Variants in RUNX1 observed in about 807,000 individuals in gnomAD.
RUNX1 encodes the protein RUNX family transcription factor 1, also known as runt-related transcription factor 1.
A neutral mutation model predicts 42.8 loss-of-function variants in RUNX1; 19 were observed. That is an observed-to-expected ratio of 0.44 (90% CI 0.31 to 0.65). RUNX1 has a LOEUF of 0.65. Ranked by LOEUF, RUNX1 falls within the 30% of genes least tolerant of loss-of-function variation. The pLI, the probability that RUNX1 is intolerant of heterozygous loss-of-function variation, is 0.07. For synonymous variants in RUNX1, 271 were observed against 289.4 expected, an observed-to-expected ratio of 0.94 and a Z score of 0.64; for missense variants, 528 against 672.0, an observed-to-expected ratio of 0.79 and a Z score of 2.37.
chr21:34,993,855 G>T (rs115364920), intron 2 of RUNX1, among the ~76,000 whole-genome samples: 120 of 151,712 alleles, frequency 7.9e-4, no homozygotes, highest in African/African-American at 2.7e-3. Context: ...ACACACACGG[G>T]TATGTGACTG....
At chr21:34,890,197 T>C (rs996743878) in intron 3 of RUNX1, among the ~76,000 whole-genome samples, 4 of 151,712 alleles carry the variant, frequency 2.6e-5, no homozygotes, top group Non-Finnish European at 5.9e-5. Context: ...CCGCGGGCTC[T>C]GGCGGACGCC....
chr21:35,013,510 A>G (rs2059139853), intron 2 of RUNX1, among the ~76,000 whole-genome samples: 1 of 152,240 alleles, frequency 6.6e-6, no homozygotes, highest in African/African-American at 2.4e-5. Flanking sequence ...GAGTTTATTA[A>G]AGACCCTCAT....
chr21:35,045,482 C>CA (rs2059389607), intron 2 of RUNX1, among the ~76,000 whole-genome samples: 1 of 152,124 alleles, frequency 6.6e-6, no homozygotes, highest in Non-Finnish European at 1.5e-5. Flanking sequence ...AGGCTAGCCC[C>CA]AATACAATGC....
intron 7 of RUNX1, among the ~76,000 whole-genome samples, chr21:34,816,721 T>C (rs1330944992): frequency 6.6e-6 from 1 of 152,004 alleles, no homozygotes; most frequent in Non-Finnish European, 1.5e-5. Flanking sequence ...ACTTTCTGGG[T>C]AGGCATCCAG....
intron 2 of RUNX1, among the ~76,000 whole-genome samples, chr21:34,950,883 A>T (rs563423486): frequency 6.6e-6 from 1 of 152,352 alleles, no homozygotes; most frequent in Non-Finnish European, 1.5e-5. Context: ...AGCGTGGTTT[A>T]GGGGAGGCAC....
intron 2 of RUNX1, among the ~76,000 whole-genome samples, chr21:35,023,833 T>C (rs985352413): frequency 3.9e-5 from 6 of 152,164 alleles, no homozygotes; most frequent in Non-Finnish European, 7.4e-5. Context: ...CATCTGTGGG[T>C]ACCAGTTTTA....
At chr21:34,894,186 C>T (rs144634086) in intron 2 of RUNX1, among the ~76,000 whole-genome samples, 2,076 of 152,210 alleles carry the variant, frequency 0.014, 28 homozygotes, top group Middle Eastern at 0.099. Flanking sequence ...GAATCCACAA[C>T]GGTAAGACTG....
At chr21:35,028,014 TA>T (rs2078633486) in intron 2 of RUNX1, among the ~76,000 whole-genome samples, 1 of 152,194 alleles carries the variant, frequency 6.6e-6, no homozygotes, top group Non-Finnish European at 1.5e-5. Context: ...GGTATATGAA[TA>T]AAATCTCCAG....
chr21:34,842,268 G>A (rs1282361772), intron 6 of RUNX1, among the ~76,000 whole-genome samples: 3 of 151,900 alleles, frequency 2.0e-5, no homozygotes, highest in Admixed American at 6.6e-5. Context: ...CGACACAGGC[G>A]GGTCACTTGA....
chr21:34,816,720 G>C (rs2056832126), intron 7 of RUNX1, among the ~76,000 whole-genome samples: 1 of 152,116 alleles, frequency 6.6e-6, no homozygotes, highest in Non-Finnish European at 1.5e-5. Context: ...AACTTTCTGG[G>C]TAGGCATCCA....
At chr21:34,860,530 CGTGT>C (rs34768937) in intron 5 of RUNX1, among the ~76,000 whole-genome samples, 2 of 149,430 alleles carry the variant, frequency 1.3e-5, no homozygotes, top group East Asian at 2.0e-4. Context: ...TGTGTCTGTG[CGTGT>C]GTGTGTGTGT....
At chr21:34,858,102 G>A (rs2146225742) in intron 6 of RUNX1, among the ~76,000 whole-genome samples, 1 of 152,326 alleles carries the variant, frequency 6.6e-6, no homozygotes, top group Admixed American at 6.5e-5. Context: ...TGCCCCTGGT[G>A]GGCATGGTGA....
At chr21:34,793,065 A>G (rs1289179932) in intron 8 of RUNX1, among the ~76,000 whole-genome samples, 2 of 151,702 alleles carry the variant, frequency 1.3e-5, no homozygotes, top group East Asian at 1.9e-4. Flanking sequence ...ATGGGTTTCT[A>G]TCAGAATTTA....
chr21:35,011,295 C>A (rs2059124857), intron 2 of RUNX1, among the ~76,000 whole-genome samples: 1 of 152,154 alleles, frequency 6.6e-6, no homozygotes, highest in Non-Finnish European at 1.5e-5. Context: ...TGATCCCAAG[C>A]CCATGACACA....
At chr21:34,882,193 T>C (rs1261569081) in intron 4 of RUNX1, among the ~76,000 whole-genome samples, 1 of 152,234 alleles carries the variant, frequency 6.6e-6, no homozygotes, top group African/African-American at 2.4e-5. Flanking sequence ...CTCACTTGTA[T>C]GATATCGAAG....
intron 2 of RUNX1, among the ~76,000 whole-genome samples, chr21:34,911,702 G>A (rs2058273742): frequency 6.6e-6 from 1 of 152,096 alleles, no homozygotes; most frequent in African/African-American, 2.4e-5. Flanking sequence ...CAGAATTCCA[G>A]GCCCTGGAGG....
At chr21:34,953,749 C>G (rs1447488287) in intron 2 of RUNX1, among the ~76,000 whole-genome samples, 1 of 152,214 alleles carries the variant, frequency 6.6e-6, no homozygotes, top group African/African-American at 2.4e-5. Context: ...AAATCCACAA[C>G]TCACTACAGT....
chr21:34,899,378 C>T (rs547244866), intron 2 of RUNX1, among the ~76,000 whole-genome samples: 1 of 152,204 alleles, frequency 6.6e-6, no homozygotes, highest in South Asian at 2.1e-4. Context: ...GATTAATGCT[C>T]TTATAAGAAA....
At chr21:34,941,702 T>C (rs766128898) in intron 2 of RUNX1, among the ~76,000 whole-genome samples, 3 of 152,262 alleles carry the variant, frequency 2.0e-5, no homozygotes, top group Non-Finnish European at 2.9e-5. Flanking sequence ...AAGGTGATTT[T>C]ACTAAAGCCA....
Sources: gnomAD v4.1 joint callset for allele counts (sites outside exome capture counted in the v4.1 genomes callset) on GRCh38, gnomAD v4.1.1 for gene constraint, MANE v1.5 for transcripts, NCBI Gene and HGNC (gene_info 2026-07-23, HGNC 2026-07-21) for gene names.